The following CLNK variants were observed in gnomAD, a reference collection of about 807,000 sequenced individuals.
The protein encoded by CLNK is cytokine dependent hematopoietic cell linker.
Under a neutral mutation model 68.6 loss-of-function variants are expected in CLNK, and 74 were observed. The ratio of observed to expected loss-of-function variants is 1.08; its 90% CI spans 0.89 to 1.31. The LOEUF is 1.31. Ranked by LOEUF, CLNK falls within the 50% of genes most tolerant of loss-of-function variation. CLNK has a pLI of 0.00. For missense variants in CLNK, 553 were observed against 515.3 expected, an observed-to-expected ratio of 1.07 and a Z score of -0.71; for synonymous variants, 198 against 172.2, an observed-to-expected ratio of 1.15 and a Z score of -1.17.
intron 2 of CLNK, among the ~76,000 whole-genome samples, chr4:10,658,154 G>A (rs911749877): frequency 6.6e-6 from 1 of 152,114 alleles, no homozygotes; most frequent in Non-Finnish European, 1.5e-5. Flanking sequence ...TCACTCCTCT[G>A]TGTCCTCTTA....
chr4:10,699,293 C>T, the CLNK span, among the ~76,000 whole-genome samples: 116 of 15,612 alleles, frequency 7.4e-3, 2 homozygotes, highest in African/African-American at 0.01. Context: ...TACGTGTATA[C>T]ACACACACAC....
At chr4:10,540,199 G>A (rs116022269) in intron 11 of CLNK, among the ~76,000 whole-genome samples, 1 of 152,022 alleles carries the variant, frequency 6.6e-6, no homozygotes, top group Non-Finnish European at 1.5e-5. Context: ...AGGGCTCTTC[G>A]CCATTTGCTT....
chr4:10,563,231 A>G lies in CLNK; in HGVS notation c.399+1440T>C, dbSNP rs560968035. ...ATTCAAAAGCAGGTTAATACTCACT[A>G]ATAACTGTGGTGCAAACTAAAAAAG... On this transcript the variant is annotated intron_variant, in intron 7 of 18. Coordinates refer to ENST00000226951, the MANE Select transcript of CLNK (RefSeq NM_052964.4). Among the ~76,000 whole-genome samples, 35 of 152,234 alleles carry G rather than the reference A, an allele frequency of 2.3e-4. 1 individual carries two copies. The highest frequency in any genetic ancestry group is 4.6e-4 in the Non-Finnish European group (31 of 68,038).
chr4:10,702,287 A>G, the CLNK span, among the ~76,000 whole-genome samples: 3 of 152,118 alleles, frequency 2.0e-5, no homozygotes, highest in Non-Finnish European at 4.4e-5. Flanking sequence ...AGGCAGGAAG[A>G]ACACTCAGCT....
intron 2 of CLNK, among the ~76,000 whole-genome samples, chr4:10,630,262 A>G (rs754975679): frequency 6.6e-6 from 1 of 152,218 alleles, no homozygotes; most frequent in Non-Finnish European, 1.5e-5. Context: ...TCTATAGTAC[A>G]TGATGATCGG....
At chr4:10,664,996 G>C (rs555080093) in intron 2 of CLNK, among the ~76,000 whole-genome samples, 2 of 152,334 alleles carry the variant, frequency 1.3e-5, no homozygotes, top group South Asian at 4.1e-4. Flanking sequence ...GAGTGAAGAA[G>C]AGTTTGGGAC....
chr4:10,688,814 A>G (rs1725358957), upstream of CLNK, among the ~76,000 whole-genome samples: 1 of 152,182 alleles, frequency 6.6e-6, no homozygotes, highest in East Asian at 1.9e-4. Flanking sequence ...TGCACATGAA[A>G]AGAAACTGAC....
chr4:10,525,417 G>A (rs905262560), intron 14 of CLNK, among the ~76,000 whole-genome samples: 11 of 152,150 alleles, frequency 7.2e-5, no homozygotes, highest in Non-Finnish European at 1.0e-4. Context: ...CACAATAAGC[G>A]GAGCAGGCAG....
At chr4:10,513,634 T>G in intron 15 of CLNK, 37 bp from the exon 16 acceptor site, 1 of 1,564,444 alleles carries the variant, frequency 6.4e-7, no homozygotes. Flanking sequence ...TGTGATTTTG[T>G]GACTGGTGCA....
the CLNK span, among the ~76,000 whole-genome samples, chr4:10,717,188 C>G: frequency 4.1e-4 from 62 of 152,232 alleles, no homozygotes; most frequent in Admixed American, 1.0e-3. Flanking sequence ...AATAAAAAGC[C>G]CCCTCTCCAT....
At chr4:10,520,141 T>C (rs1009324815) in intron 15 of CLNK, among the ~76,000 whole-genome samples, 1 of 152,072 alleles carries the variant, frequency 6.6e-6, no homozygotes, top group African/African-American at 2.4e-5. Flanking sequence ...CAAATGAATA[T>C]GATGGCTCTA....
chr4:10,517,327 C>T (rs1269724053), intron 15 of CLNK: 2 of 151,906 alleles, frequency 1.3e-5, no homozygotes, highest in African/African-American at 4.8e-5. Flanking sequence ...ATAGGAGGCA[C>T]AACATAATAT....
intron 2 of CLNK, among the ~76,000 whole-genome samples, chr4:10,610,787 CACACACACACA>C (rs1721982985): frequency 6.7e-6 from 1 of 149,130 alleles, no homozygotes; most frequent in East Asian, 2.0e-4. Context: ...CACACACACA[CACACACACACA>C]CACACACACA....
At chr4:10,687,652 AG>A (rs1725314535), upstream of CLNK, among the ~76,000 whole-genome samples, 1 of 152,200 alleles carries the variant, frequency 6.6e-6, no homozygotes, top group Non-Finnish European at 1.5e-5. Context: ...GAGCCTATAC[AG>A]CGAAAGGTGG....
intron 2 of CLNK, among the ~76,000 whole-genome samples, chr4:10,625,170 A>G (rs1722618196): frequency 6.6e-6 from 1 of 152,208 alleles, no homozygotes; most frequent in Non-Finnish European, 1.5e-5. Flanking sequence ...AAAGCCATGC[A>G]GGATTTTAAC....
At chr4:10,534,774 T>C (rs1318526299) in intron 11 of CLNK, among the ~76,000 whole-genome samples, 2 of 152,188 alleles carry the variant, frequency 1.3e-5, no homozygotes, top group East Asian at 3.8e-4. Flanking sequence ...TCCCATGCAG[T>C]TGTAAGAAAT....
At chr4:10,540,698 C>A in intron 10 of CLNK, 94 bp from the exon 11 acceptor site, 1 of 837,536 alleles carries the variant, frequency 1.2e-6, no homozygotes, top group East Asian at 2.5e-5. Context: ...TCCGTGTCCC[C>A]AGCTTTGGGT....
intron 12 of CLNK, among the ~76,000 whole-genome samples, chr4:10,529,915 T>A (rs1247631736): frequency 2.0e-5 from 3 of 152,216 alleles, no homozygotes; most frequent in African/African-American, 7.2e-5. Context: ...GTAACTTTTT[T>A]ATTGTTAGAA....
chr4:10,660,404 G>A (rs533818936), intron 2 of CLNK, among the ~76,000 whole-genome samples: 20 of 152,194 alleles, frequency 1.3e-4, no homozygotes, highest in African/African-American at 4.8e-4. Context: ...TAGTTTTATT[G>A]GAAAGCCTAA....
Sources: gnomAD v4.1 joint callset for allele counts (sites outside exome capture counted in the v4.1 genomes callset) on GRCh38, gnomAD v4.1.1 for gene constraint, MANE v1.5 for transcripts, NCBI Gene and HGNC (gene_info 2026-07-23, HGNC 2026-07-21) for gene names.